The following MAN2A1 variants were observed in gnomAD, a reference collection of about 807,000 sequenced individuals.
The protein encoded by MAN2A1 is alpha-mannosidase 2.
A neutral mutation model predicts 142.6 loss-of-function variants in MAN2A1; 76 were observed. That is an observed-to-expected ratio of 0.53 (90% CI 0.44 to 0.65). MAN2A1 has a LOEUF of 0.65. Ranked by LOEUF, MAN2A1 falls within the 30% of genes least tolerant of loss-of-function variation. The pLI, the probability that MAN2A1 is intolerant of heterozygous loss-of-function variation, is 0.00. For missense variants in MAN2A1, 1,311 were observed against 1,365.1 expected, an observed-to-expected ratio of 0.96 and a Z score of 0.62; for synonymous variants, 559 against 473.2, an observed-to-expected ratio of 1.18 and a Z score of -2.35.
intron 20 of MAN2A1, among the ~76,000 whole-genome samples, chr5:109,858,393 A>G (rs1357658157): frequency 6.6e-6 from 1 of 152,208 alleles, no homozygotes; most frequent in Non-Finnish European, 1.5e-5. Context: ...ATTGATTCAA[A>G]GAAAGCTGTA....
intron 3 of MAN2A1, among the ~76,000 whole-genome samples, chr5:109,728,990 T>G (rs572680648): frequency 1.9e-4 from 29 of 151,944 alleles, no homozygotes; most frequent in African/African-American, 7.0e-4. Context: ...AAACAGTGTT[T>G]AGATTTTTAA....
At chr5:109,723,514 A>C (rs977756374) in intron 3 of MAN2A1, among the ~76,000 whole-genome samples, 2 of 152,104 alleles carry the variant, frequency 1.3e-5, no homozygotes, top group African/African-American at 4.8e-5. Flanking sequence ...TTTCAACTGC[A>C]GTCCATAACC....
chr5:109,867,160 A>C lies in MAN2A1; in HGVS notation c.*162A>C. ...TTTTCTTTTACCAGTACAGTAAGAA[A>C]AAAAAAAAAAAAAAAAAAGCCATGC... On this transcript the variant is annotated 3_prime_UTR_variant, in exon 22 of 22. Transcript: ENST00000261483. 3.3e-6 allele frequency: 1 copy of C among 301,728 alleles called. No individual in the cohort carries two copies. Among genetic ancestry groups the C allele is most frequent in the Non-Finnish European group, 6.1e-6 (1 of 163,902 alleles). 18.7% of individuals were successfully genotyped at this position (301,728 alleles called of 1,614,324 possible).
chr5:109,814,970 T>C (rs905788244), intron 12 of MAN2A1, among the ~76,000 whole-genome samples: 1 of 152,102 alleles, frequency 6.6e-6, no homozygotes, highest in South Asian at 2.1e-4. Flanking sequence ...AATTAGGAGA[T>C]TGGCCAAAGT....
intron 5 of MAN2A1, among the ~76,000 whole-genome samples, chr5:109,759,807 T>C (rs1752788788): frequency 6.6e-6 from 1 of 152,148 alleles, no homozygotes; most frequent in Admixed American, 6.6e-5. Flanking sequence ...GGGTATATAG[T>C]GATATTTCAC....
intron 1 of MAN2A1, among the ~76,000 whole-genome samples, chr5:109,694,173 G>A (rs1750748577): frequency 6.6e-6 from 1 of 152,188 alleles, no homozygotes; most frequent in South Asian, 2.1e-4. Context: ...TGACCGTAGA[G>A]ATTAATATTA....
intron 1 of MAN2A1, among the ~76,000 whole-genome samples, chr5:109,709,424 CG>C (rs1751233036): frequency 6.6e-6 from 1 of 152,008 alleles, no homozygotes; most frequent in Non-Finnish European, 1.5e-5. Context: ...GATTGTTGCT[CG>C]GCAGAGGGTT....
intron 13 of MAN2A1, among the ~76,000 whole-genome samples, chr5:109,818,232 C>A (rs1353630368): frequency 6.6e-6 from 1 of 152,056 alleles, no homozygotes; most frequent in Non-Finnish European, 1.5e-5. Flanking sequence ...CCTCTGTCTC[C>A]CGGGTTCAAG....
chr5:109,723,646 C>G (rs1221061050), intron 3 of MAN2A1, among the ~76,000 whole-genome samples: 4 of 152,168 alleles, frequency 2.6e-5, no homozygotes, highest in Admixed American at 2.6e-4. Context: ...CCCTCATGTC[C>G]TCCCTCCAAA....
intron 5 of MAN2A1, among the ~76,000 whole-genome samples, chr5:109,761,443 G>A (rs1752841565): frequency 6.6e-6 from 1 of 151,776 alleles, no homozygotes; most frequent in Non-Finnish European, 1.5e-5. Context: ...TAATATTACT[G>A]GTTTTCTTAT....
At chr5:109,732,471 TC>T (rs1474688072) in intron 4 of MAN2A1, among the ~76,000 whole-genome samples, 2 of 152,218 alleles carry the variant, frequency 1.3e-5, no homozygotes, top group African/African-American at 4.8e-5. Context: ...GCCTAGGTTT[TC>T]TTCTAGGGTT....
At chr5:109,786,985 G>A (rs2269206) in intron 10 of MAN2A1, among the ~76,000 whole-genome samples, 57,709 of 151,788 alleles carry the variant, frequency 0.38, 11,949 homozygotes, top group African/African-American at 0.55. Flanking sequence ...AGAGCATGCT[G>A]TCAACAATAG....
At chr5:109,779,535 T>A (rs964512434) in intron 8 of MAN2A1, among the ~76,000 whole-genome samples, 3 of 148,440 alleles carry the variant, frequency 2.0e-5, no homozygotes, top group Non-Finnish European at 4.4e-5. Context: ...TCGTGACTCA[T>A]TTCTTTTATG....
chr5:109,728,752 A>G (rs1751818077), intron 3 of MAN2A1, among the ~76,000 whole-genome samples: 1 of 152,212 alleles, frequency 6.6e-6, no homozygotes, highest in Non-Finnish European at 1.5e-5. Flanking sequence ...GAATTGAATA[A>G]TGAACAGCTT....
At chr5:109,786,201 G>T (rs553576202) in intron 10 of MAN2A1, among the ~76,000 whole-genome samples, 2 of 151,968 alleles carry the variant, frequency 1.3e-5, no homozygotes, top group Non-Finnish European at 2.9e-5. Context: ...GATAAAGATG[G>T]TATTTCTCCC....
intron 6 of MAN2A1, 106 bp downstream of exon 6, chr5:109,767,814 A>C (rs1365506602): frequency 5.5e-6 from 5 of 906,572 alleles, no homozygotes; most frequent in Admixed American, 2.3e-5. Context: ...GTCTTGAAAA[A>C]TCAGGTGGCC....
At chr5:109,779,584 A>ACACACACACACACACAC (rs1293213572) in intron 8 of MAN2A1, among the ~76,000 whole-genome samples, 3 of 50,458 alleles carry the variant, frequency 5.9e-5, no homozygotes, top group African/African-American at 2.0e-4. Context: ...CACACACACA[A>ACACACACACACACACAC]ACACACACAG....
intron 20 of MAN2A1, among the ~76,000 whole-genome samples, chr5:109,859,396 GTA>G (rs1417904713): frequency 2.0e-5 from 3 of 152,188 alleles, no homozygotes; most frequent in African/African-American, 7.2e-5. Flanking sequence ...ATTATATGCC[GTA>G]TATTTGTATT....
At chr5:109,805,767 A>G (rs1754148307) in intron 12 of MAN2A1, among the ~76,000 whole-genome samples, 1 of 152,190 alleles carries the variant, frequency 6.6e-6, no homozygotes, top group Admixed American at 6.5e-5. Flanking sequence ...AGTATTAATC[A>G]TTTATAAAGC....
Sources: gnomAD v4.1 joint callset for allele counts (sites outside exome capture counted in the v4.1 genomes callset) on GRCh38, gnomAD v4.1.1 for gene constraint, MANE v1.5 for transcripts, NCBI Gene and HGNC (gene_info 2026-07-23, HGNC 2026-07-21) for gene names.